CHST8: variants seen among roughly 807,000 people sequenced by gnomAD.
The protein encoded by CHST8 is carbohydrate sulfotransferase 8.
Under a neutral mutation model 15.0 loss-of-function variants are expected in CHST8, and 10 were observed. That is an observed-to-expected ratio of 0.67 (90% CI 0.41 to 1.13). The LOEUF (loss-of-function observed/expected upper bound fraction) is 1.13, where lower values mean the gene tolerates loss of function less well. Among genes scored for constraint, CHST8 ranks in the 50% most tolerant of loss-of-function variants. The probability of loss-of-function intolerance (pLI) is 0.00; values close to 1 mark genes in which losing one functional copy is unlikely to be tolerated. For synonymous variants in CHST8, 259 were observed against 256.6 expected (o/e 1.01, Z -0.09); for missense variants, 634 against 608.2 (o/e 1.04, Z -0.45).
intron 1 of CHST8, among the ~76,000 whole-genome samples, chr19:33,665,048 C>T (rs1007276186): frequency 2.6e-5 from 4 of 152,126 alleles, no homozygotes; most frequent in African/African-American, 7.2e-5. Flanking sequence ...TGACTAGTGC[C>T]GCAATAAACG....
chr19:33,679,911 C>T (rs1195838274), intron 2 of CHST8, among the ~76,000 whole-genome samples: 1 of 152,156 alleles, frequency 6.6e-6, no homozygotes, highest in African/African-American at 2.4e-5. Flanking sequence ...TGAGATCACG[C>T]CCTTCTCTGG....
chr19:33,718,490 A>T (rs970682538), intron 3 of CHST8, among the ~76,000 whole-genome samples: 5 of 151,264 alleles, frequency 3.3e-5, no homozygotes, highest in African/African-American at 1.2e-4. Context: ...TCTTCCCCGC[A>T]CTCCTCTGCA....
intron 1 of CHST8, among the ~76,000 whole-genome samples, chr19:33,659,264 C>T (rs151088231): frequency 6.6e-6 from 1 of 152,070 alleles, no homozygotes; most frequent in Non-Finnish European, 1.5e-5. Flanking sequence ...GGGGTTTCAC[C>T]ATGTTGGCCA....
chr19:33,761,226 G>T (rs1336660854), intron 3 of CHST8, among the ~76,000 whole-genome samples: 2 of 152,248 alleles, frequency 1.3e-5, no homozygotes, highest in Non-Finnish European at 2.9e-5. Context: ...CAAGCAGCCA[G>T]GCACGGTGGC....
chr19:33,763,913 C>G (rs285692), intron 3 of CHST8, among the ~76,000 whole-genome samples: 46 of 152,324 alleles, frequency 3.0e-4, no homozygotes, highest in African/African-American at 1.1e-3. Flanking sequence ...CCAAAGCAGG[C>G]CCCGGCCTGG....
intron 3 of CHST8, among the ~76,000 whole-genome samples, chr19:33,733,695 C>T (rs1414010938): frequency 6.6e-6 from 1 of 152,212 alleles, no homozygotes; most frequent in East Asian, 1.9e-4. Context: ...TGTATGGCAT[C>T]CTAAACCCCC....
Position 33,772,856 on chromosome 19 carries a change from C to T in CHST8, c.1068C>T (p.Asn356=), listed in dbSNP as rs546876287. The change falls in exon 5 of 5, where the codon AAC becomes AAT. Residue 356 remains asparagine, a synonymous_variant. Transcript: ENST00000650847. Reference sequence around the variant, plus strand: ...TCGAGAGCATGGAGGACGATGCCAACTTCTTCCTGAGCCTCATCCGCGCGC... The same window carrying T: ...TCGAGAGCATGGAGGACGATGCCAATTTCTTCCTGAGCCTCATCCGCGCGC... The part of the protein sequence containing the change: ...GKFESMEDDA[N]FFLSLIRAPR... The T allele has an allele frequency of 1.4e-5, 22 of 1,613,548 alleles. No individual in the cohort carries two copies. The highest frequency in any genetic ancestry group is 2.7e-5 in the African/African-American group (2 of 75,072).
rs284677 is a variant in CHST8 at position 33,735,128 on chromosome 19, T to C, written c.131-36285T>C. Among the ~76,000 whole-genome samples the C allele has an allele frequency of 6.4e-3, 980 of 152,206 alleles. 16 individuals are homozygous for C. The highest frequency in any genetic ancestry group is 0.022 in the African/African-American group (933 of 41,530). Reference sequence around the variant, plus strand: ...TAGCTGTTGGCAGAGACAAAGGCAATCCCTGGAAACAGCCTGGCTGGGGAG... The same window carrying C: ...TAGCTGTTGGCAGAGACAAAGGCAACCCCTGGAAACAGCCTGGCTGGGGAG... On this transcript the variant is annotated intron_variant, in intron 3 of 4. Coordinates refer to ENST00000650847, the MANE Select transcript of CHST8 (RefSeq NM_001127895.2).
intron 1 of CHST8, among the ~76,000 whole-genome samples, chr19:33,666,024 C>T (rs1369691995): frequency 2.0e-5 from 3 of 152,238 alleles, no homozygotes; most frequent in African/African-American, 7.2e-5. Context: ...GGCTGTGCCC[C>T]ACACAGCTTT....
intron 1 of CHST8, among the ~76,000 whole-genome samples, chr19:33,667,064 T>C (rs1004067505): frequency 6.6e-6 from 1 of 152,120 alleles, no homozygotes; most frequent in African/African-American, 2.4e-5. Context: ...GGCGTGTGTA[T>C]GCATCGAGTG....
intron 1 of CHST8, among the ~76,000 whole-genome samples, chr19:33,651,952 T>G (rs1479106612): frequency 6.6e-6 from 1 of 151,982 alleles, no homozygotes; most frequent in Non-Finnish European, 1.5e-5. Flanking sequence ...ATCTTCTATA[T>G]TCTTAATTTT....
chr19:33,722,048 G>T (rs1973806661), intron 3 of CHST8, among the ~76,000 whole-genome samples: 1 of 149,614 alleles, frequency 6.7e-6, no homozygotes. Context: ...GGATGGATGG[G>T]TAGACAGACT....
At chr19:33,741,709 A>AT (rs372516086) in intron 3 of CHST8, among the ~76,000 whole-genome samples, 124 of 145,254 alleles carry the variant, frequency 8.5e-4, no homozygotes, top group Middle Eastern at 3.5e-3. Flanking sequence ...AGTCCTGTGG[A>AT]TTTTTTTTTT....
intron 1 of CHST8, among the ~76,000 whole-genome samples, chr19:33,655,348 T>C (rs1972498408): frequency 6.6e-6 from 1 of 152,134 alleles, no homozygotes. Context: ...TCCATGTCCT[T>C]TTATTTAGGA....
rs976366927 is a variant in CHST8 at position 33,680,825 on chromosome 19, T to C, written c.-86-8351T>C. Among the ~76,000 whole-genome samples, 6 of 152,348 alleles carry C rather than the reference T, an allele frequency of 3.9e-5. No homozygotes were observed. The Middle Eastern group carries it at 0.01, about 259-fold the overall frequency. ...CTTATTTACGTGCACAACATTAGAA[T>C]TGGCTTCCATTCTGCATGAGCTGAA... is the stretch of plus-strand genomic sequence containing the variant. On this transcript the variant is annotated intron_variant, in intron 2 of 4. Transcript: ENST00000650847.
At chr19:33,668,099 G>A (rs1450763536) in intron 2 of CHST8, among the ~76,000 whole-genome samples, 2 of 152,132 alleles carry the variant, frequency 1.3e-5, no homozygotes, top group East Asian at 1.9e-4. Context: ...TCTGACACTC[G>A]GTTTTCGATT....
chr19:33,684,121 G>C (rs1370232998), intron 2 of CHST8, among the ~76,000 whole-genome samples: 1 of 152,168 alleles, frequency 6.6e-6, no homozygotes, highest in Non-Finnish European at 1.5e-5. Flanking sequence ...ACTCCAACTG[G>C]AATGTGTCCG....
At chr19:33,767,081 A>G (rs1292652809) in intron 3 of CHST8, among the ~76,000 whole-genome samples, 1 of 145,654 alleles carries the variant, frequency 6.9e-6, no homozygotes, top group East Asian at 1.9e-4. Flanking sequence ...GGACACTAGC[A>G]TCATCGCCCA....
Position 33,695,801 on chromosome 19 carries a change from T to TTTTC in CHST8, c.130+6430_130+6433dup, listed in dbSNP as rs748705602. Among the ~76,000 whole-genome samples the TTTTC allele has an allele frequency of 6.0e-3, 779 of 130,302 alleles. 7 individuals carry two copies. Among genetic ancestry groups the TTTTC allele is most frequent in the Non-Finnish European group, 7.5e-3 (472 of 63,250 alleles). The allele number at this position is 130,302 out of a possible 152,430, so 85.5% of individuals were successfully genotyped here. A position where few individuals can be genotyped will look rare whatever the true frequency, so the allele number is the denominator to read the frequency against. ...ATGGTGTATATATACCACATTTTCT[T>TTTTC]TTTCTTTCTTTCTTTCTTTCTTTTT... is the stretch of plus-strand genomic sequence containing the variant. On this transcript the variant is annotated intron_variant, in intron 3 of 4. Transcript: ENST00000650847.
Sources: gnomAD v4.1 joint callset for allele counts (sites outside exome capture counted in the v4.1 genomes callset) on GRCh38, gnomAD v4.1.1 for gene constraint, MANE v1.5 for transcripts, NCBI Gene and HGNC (gene_info 2026-07-23, HGNC 2026-07-21) for gene names.